The following ITGB1 variants were observed in gnomAD, a reference collection of about 807,000 sequenced individuals.
ITGB1 encodes integrin beta-1.
ITGB1 carries 24 observed loss-of-function variants against 86.5 expected under a neutral mutation model. The ratio of observed to expected loss-of-function variants is 0.28; its 90% CI spans 0.20 to 0.39. The LOEUF (loss-of-function observed/expected upper bound fraction) is 0.39, where lower values mean the gene tolerates loss of function less well. Ranked by LOEUF, ITGB1 falls within the 10% of genes least tolerant of loss-of-function variation. The pLI, the probability that ITGB1 is intolerant of heterozygous loss-of-function variation, is 1.00. For missense variants in ITGB1, 556 were observed against 946.9 expected, an observed-to-expected ratio of 0.59 and a Z score of 5.42; for synonymous variants, 323 against 316.8, an observed-to-expected ratio of 1.02 and a Z score of -0.21.
rs534946290 is a variant in ITGB1, at chr10:32,935,651, C to T, written c.1-93G>A. The T allele has an allele frequency of 2.0e-4, 168 of 858,258 alleles. 2 individuals are homozygous for T. In the South Asian group the frequency reaches 2.4e-3, roughly 12 times the overall value. The allele number at this position is 858,258 out of a possible 1,614,324, so 53.2% of individuals were successfully genotyped here. A position where few individuals can be genotyped will look rare whatever the true frequency, so the allele number is the denominator to read the frequency against. On this transcript the variant is annotated intron_variant, in intron 1 of 15. Transcript: ENST00000302278. ...TATTACCCCACCGTACCTTCTATTG[C>T]TTTTATAAACATGATGGCTCTCAAA...
At chr10:32,910,771 T>C (rs186208517) in intron 13 of ITGB1, among the ~76,000 whole-genome samples, 2 of 152,214 alleles carry the variant, frequency 1.3e-5, no homozygotes, top group South Asian at 2.1e-4. Context: ...TTTTTTGCGA[T>C]GGAGTCTTGT....
At chr10:32,925,335 C>T (rs185012078) in intron 6 of ITGB1, among the ~76,000 whole-genome samples, 18 of 152,312 alleles carry the variant, frequency 1.2e-4, no homozygotes, top group African/African-American at 4.3e-4. Context: ...TCTCAAAATA[C>T]ATCTATTCAT....
Position 32,928,098 on chromosome 10 carries a change from T to C in ITGB1, c.543A>G (p.Arg181=), listed in dbSNP as rs1001751867. ...CAATGTTCCCAACATTCCTACCAAT[T>C]CTGAAGTCCGAAGTAATCCTCCTCA... ...NEMRRITSDF[R]IGFGSFVEKT... Residue 181 remains arginine (R), a synonymous_variant, in exon 5 of 16, where the codon AGA becomes AGG. Coordinates refer to ENST00000302278, the MANE Select transcript of ITGB1 (RefSeq NM_002211.4). The C allele has an allele frequency of 7.7e-6, 12 of 1,564,326 alleles. No homozygotes were observed. The highest frequency in any genetic ancestry group is 3.6e-5 in the Admixed American group (2 of 55,652).
chr10:32,904,286 A>G (rs1367845338), intron 15 of ITGB1, among the ~76,000 whole-genome samples: 1 of 152,160 alleles, frequency 6.6e-6, no homozygotes, highest in Non-Finnish European at 1.5e-5. Context: ...ACCCCACCCC[A>G]AAAAAACCCG....
chr10:32,948,999 T>C (rs967970618), intron 1 of ITGB1, among the ~76,000 whole-genome samples: 11 of 120,532 alleles, frequency 9.1e-5, no homozygotes, highest in Admixed American at 2.4e-4. Flanking sequence ...GACTTCTCAA[T>C]TGAGAGGGCC....
intron 8 of ITGB1, 21 bp downstream of exon 8, chr10:32,922,619 C>A (rs1401923581): frequency 1.6e-5 from 22 of 1,392,566 alleles, no homozygotes; most frequent in East Asian, 2.3e-5. Context: ...GAATCTTGTT[C>A]TTTTTATCTC....
At chr10:32,929,175 G>T (rs375745419) in intron 4 of ITGB1, among the ~76,000 whole-genome samples, 11 of 151,224 alleles carry the variant, frequency 7.3e-5, no homozygotes, top group Admixed American at 6.6e-5. Flanking sequence ...ATTTCAAAAA[G>T]TACAAAGTGT....
chr10:32,932,726 C>G, intron 2 of ITGB1, 126 bp from the exon 3 acceptor site: 1 of 594,478 alleles, frequency 1.7e-6, no homozygotes, highest in Admixed American at 2.9e-5. Context: ...TAGTTACCAT[C>G]TAAACTAGAC....
intron 14 of ITGB1, among the ~76,000 whole-genome samples, chr10:32,909,235 C>T (rs2094905939): frequency 6.6e-6 from 1 of 152,066 alleles, no homozygotes. Flanking sequence ...ACCTGATGTT[C>T]AACAAAGGTG....
chr10:32,920,102 G>T lies in ITGB1; in HGVS notation c.1270-18C>A, dbSNP rs45580338. On this transcript the variant is annotated intron_variant, in intron 10 of 15. Coordinates refer to ENST00000302278, the MANE Select transcript of ITGB1 (RefSeq NM_002211.4). ...AATTGAACCTTGAAGGGAAAAAAAA[G>T]ATTAACAACCAACTAAACAATTTAA... 2 of 1,598,458 alleles carry T rather than the reference G, an allele frequency of 1.3e-6. No individual in the cohort carries two copies. The highest frequency in any genetic ancestry group is 1.1e-5 in the South Asian group (1 of 90,284).
chr10:32,903,501 C>T (rs932716063), intron 15 of ITGB1, among the ~76,000 whole-genome samples: 5 of 151,580 alleles, frequency 3.3e-5, no homozygotes, highest in Non-Finnish European at 7.4e-5. Flanking sequence ...GAGGGAAAAA[C>T]ATTAACATAT....
chr10:32,912,863 C>T (rs192407851), intron 11 of ITGB1, among the ~76,000 whole-genome samples: 6 of 152,334 alleles, frequency 3.9e-5, no homozygotes, highest in Admixed American at 3.9e-4. Context: ...AGACTGCCTC[C>T]TCAAGTGGGT....
At chr10:32,926,927 T>G (rs917377043) in intron 5 of ITGB1, among the ~76,000 whole-genome samples, 1 of 149,704 alleles carries the variant, frequency 6.7e-6, no homozygotes, top group East Asian at 2.0e-4. Flanking sequence ...AAATTTCTGT[T>G]GTTCATAAGC....
intron 3 of ITGB1, among the ~76,000 whole-genome samples, chr10:32,932,130 T>C (rs2094985305): frequency 1.3e-5 from 2 of 152,072 alleles, no homozygotes; most frequent in African/African-American, 4.8e-5. Context: ...AAATCTAATA[T>C]GTGCCACAAA....
Position 32,929,800 on chromosome 10 carries a change from TCA to T in ITGB1, c.376+20_376+21del, listed in dbSNP as rs779713209. The T allele has an allele frequency of 5.9e-6, 8 of 1,348,038 alleles. No homozygotes were observed. The highest frequency in any genetic ancestry group is 4.7e-5 in the South Asian group (4 of 85,408). The allele number at this position is 1,348,038 out of a possible 1,614,324, so 83.5% of individuals were successfully genotyped here. A position where few individuals can be genotyped will look rare whatever the true frequency, so the allele number is the denominator to read the frequency against. On this transcript the variant is annotated intron_variant, in intron 4 of 15. Coordinates refer to ENST00000302278, the MANE Select transcript of ITGB1 (RefSeq NM_002211.4). ...ATGCCTCAAGTAAACACGCAGGTATTCACAGAGTTGGGCTTCCATACCTGATC... is the reference window on the plus strand; with the variant it reads ...ATGCCTCAAGTAAACACGCAGGTATTCAGAGTTGGGCTTCCATACCTGATC...
In ITGB1 at chr10:32,922,356, AAAGAT is replaced by A; in HGVS notation, c.1039-15_1039-11del. On this transcript the variant is annotated splice_polypyrimidine_tract_variant and intron_variant, in intron 8 of 15. Transcript: ENST00000302278. Reference sequence around the variant, plus strand: ...TCAAGTTTTTCAGCTCCTGCAATTAAAAGATAAAACACGTAAAATACAACTGCTAT... The same window carrying A: ...TCAAGTTTTTCAGCTCCTGCAATTAAAAAACACGTAAAATACAACTGCTAT... 1 of 1,582,732 alleles carries A rather than the reference AAAGAT, an allele frequency of 6.3e-7. No individual in the cohort carries two copies. The highest frequency in any genetic ancestry group is 8.7e-7 in the Non-Finnish European group (1 of 1,154,378).
At chr10:32,917,737 C>T (rs1422904440) in intron 11 of ITGB1, among the ~76,000 whole-genome samples, 3 of 152,232 alleles carry the variant, frequency 2.0e-5, no homozygotes, top group Admixed American at 1.3e-4. Flanking sequence ...CACTTTTACA[C>T]TGCTGGTGGG....
intron 1 of ITGB1, chr10:32,944,449 A>G (rs528129607): frequency 4.1e-5 from 14 of 339,398 alleles, no homozygotes; most frequent in Non-Finnish European, 1.1e-5. Context: ...GCTAGGCAAC[A>G]GCACTAGTTG....
intron 1 of ITGB1, among the ~76,000 whole-genome samples, chr10:32,941,518 G>A (rs545736281): frequency 6.6e-6 from 1 of 152,254 alleles, no homozygotes. Flanking sequence ...GAAGAGCTAC[G>A]TTACAGAGAG....
Sources: allele counts gnomAD v4.1 joint callset (sites outside exome capture counted in the v4.1 genomes callset), GRCh38; gene constraint gnomAD v4.1.1; transcripts MANE v1.5; gene names NCBI Gene and HGNC (gene_info 2026-07-23, HGNC 2026-07-21).